RBMS3: variants seen among roughly 807,000 people sequenced by gnomAD.
RBMS3 encodes RNA binding motif single stranded interacting protein 3, also known as RNA-binding motif, single-stranded-interacting protein 3.
Under a neutral mutation model 66.8 loss-of-function variants are expected in RBMS3, and 27 were observed. The ratio of observed to expected loss-of-function variants is 0.40; its 90% CI spans 0.30 to 0.56. RBMS3 has a LOEUF of 0.56. RBMS3 is among the 20% of genes least tolerant of loss of function. The pLI is 0.40. For missense variants in RBMS3, 513 were observed against 549.5 expected, an observed-to-expected ratio of 0.93 and a Z score of 0.66; for synonymous variants, 188 against 183.0, an observed-to-expected ratio of 1.03 and a Z score of -0.22.
chr3:29,693,630 A>G (rs907440515), intron 4 of RBMS3, among the ~76,000 whole-genome samples: 2 of 152,162 alleles, frequency 1.3e-5, no homozygotes, highest in Non-Finnish European at 2.9e-5. Context: ...ATTAACTACT[A>G]TTAGCATATA....
At chr3:29,748,715 T>C (rs2055039797) in intron 5 of RBMS3, among the ~76,000 whole-genome samples, 1 of 152,170 alleles carries the variant, frequency 6.6e-6, no homozygotes, top group Non-Finnish European at 1.5e-5. Flanking sequence ...CTCACATAGC[T>C]CAGCCTGATC....
At chr3:29,360,275 T>C (rs886663496) in intron 1 of RBMS3, among the ~76,000 whole-genome samples, 1 of 152,040 alleles carries the variant, frequency 6.6e-6, no homozygotes, top group African/African-American at 2.4e-5. Flanking sequence ...TCAAAGAATA[T>C]CTTTATTTCT....
intron 10 of RBMS3, among the ~76,000 whole-genome samples, chr3:29,904,773 AT>A (rs1438238553): frequency 6.6e-6 from 1 of 151,802 alleles, no homozygotes; most frequent in Non-Finnish European, 1.5e-5. Flanking sequence ...CTCATATTTT[AT>A]TTTCATTTCT....
chr3:29,885,885 T>C (rs1279096900), intron 8 of RBMS3, among the ~76,000 whole-genome samples: 1 of 151,844 alleles, frequency 6.6e-6, no homozygotes, highest in African/African-American at 2.4e-5. Context: ...ATGCCAAGGA[T>C]TGGGGATGCA....
intron 4 of RBMS3, among the ~76,000 whole-genome samples, chr3:29,681,461 C>A (rs1478102421): frequency 2.0e-5 from 3 of 152,130 alleles, no homozygotes; most frequent in Middle Eastern, 3.4e-3. Flanking sequence ...AAGTATTAAG[C>A]CCAGCATCCA....
At chr3:29,816,297 CACAGACACACACAG>C (rs1175388674) in intron 6 of RBMS3, among the ~76,000 whole-genome samples, 2 of 94,522 alleles carry the variant, frequency 2.1e-5, no homozygotes, top group African/African-American at 7.9e-5. Context: ...CACAGACACA[CACAGACACACACAG>C]ACACACACAC....
At position 29,807,511 on chromosome 3, in the gene RBMS3, A is replaced by T. The variant is rs188441811; in HGVS notation, c.637+44522A>T. On this transcript the variant is annotated intron_variant, in intron 6 of 14. Coordinates refer to ENST00000383767, the MANE Select transcript of RBMS3 (RefSeq NM_001003793.3). ...GAAATAATAGCATGCATACATACAG[A>T]TATTTGTACAAAGATATTCACTGCA... is the stretch of plus-strand genomic sequence containing the variant. 3.9e-5 allele frequency among the ~76,000 whole-genome samples: 6 copies of T among 152,074 alleles called. No individual in the cohort carries two copies. In the East Asian group the frequency reaches 1.2e-3, roughly 29 times the overall value.
Position 29,561,704 on chromosome 3 carries a change from G to A in RBMS3, c.308-25410G>A, listed in dbSNP as rs145952758. 7.4e-4 allele frequency among the ~76,000 whole-genome samples: 113 copies of A among 152,266 alleles called. 1 individual carries two copies. The highest frequency in any genetic ancestry group is 2.7e-3 in the African/African-American group (112 of 41,548). On this transcript the variant is annotated intron_variant, in intron 3 of 14. Coordinates refer to ENST00000383767, the MANE Select transcript of RBMS3 (RefSeq NM_001003793.3). The stretch of plus-strand genomic sequence containing the variant: ...CTGACCTTGTGATCCGCCCGCCTCG[G>A]CCTCCCAAAGTGCTAGGATTACAGG...
Position 29,944,200 on chromosome 3 carries a change from T to C in RBMS3, c.1051-7T>C, listed in dbSNP as rs1234905631. The C allele has an allele frequency of 6.3e-7, 1 of 1,580,908 alleles. No individual in the cohort carries two copies. The highest frequency in any genetic ancestry group is 1.1e-5 in the South Asian group (1 of 90,394). On this transcript the variant is annotated splice_polypyrimidine_tract_variant and splice_region_variant and intron_variant, in intron 11 of 14. Coordinates refer to ENST00000383767, the MANE Select transcript of RBMS3 (RefSeq NM_001003793.3). ...TGCATTCTTTCTCATGCTCTTTTCA[T>C]TCAAAGATTCAATCCCAAGACAGGA...
chr3:29,612,104 G>GC (rs1424275372), intron 4 of RBMS3, among the ~76,000 whole-genome samples: 1 of 151,950 alleles, frequency 6.6e-6, no homozygotes, highest in Non-Finnish European at 1.5e-5. Context: ...TGAGAATCTA[G>GC]CTTAGAAGAG....
intron 3 of RBMS3, among the ~76,000 whole-genome samples, chr3:29,514,222 C>A (rs925629142): frequency 1.2e-4 from 19 of 152,258 alleles, no homozygotes; most frequent in African/African-American, 4.6e-4. Context: ...AGCAATGACA[C>A]AATTCTCCAT....
At chr3:29,319,495 G>A (rs146165395) in intron 1 of RBMS3, among the ~76,000 whole-genome samples, 7 of 152,042 alleles carry the variant, frequency 4.6e-5, no homozygotes, top group East Asian at 1.9e-4. Context: ...CAGAAATGCC[G>A]TAAGGGAGGC....
At chr3:29,979,632 T>C (rs1697844465) in intron 12 of RBMS3, among the ~76,000 whole-genome samples, 2 of 152,158 alleles carry the variant, frequency 1.3e-5, no homozygotes, top group Admixed American at 1.3e-4. Flanking sequence ...TTCCCCTCCC[T>C]GGGCTCATGT....
chr3:29,657,294 C>T (rs569575622), intron 4 of RBMS3, among the ~76,000 whole-genome samples: 2 of 152,308 alleles, frequency 1.3e-5, no homozygotes, highest in South Asian at 4.1e-4. Flanking sequence ...ATTCTGTTTA[C>T]TCTGTTGCAG....
chr3:29,522,783 GA>G (rs1426664937), intron 3 of RBMS3, among the ~76,000 whole-genome samples: 1 of 152,116 alleles, frequency 6.6e-6, no homozygotes, highest in African/African-American at 2.4e-5. Context: ...AAGGAGTCTG[GA>G]AAAGGTAGAT....
At chr3:29,705,386 A>G (rs2052837200) in intron 4 of RBMS3, among the ~76,000 whole-genome samples, 2 of 152,202 alleles carry the variant, frequency 1.3e-5, no homozygotes, top group Admixed American at 1.3e-4. Context: ...TGCTTGTGTA[A>G]TATAAAGAAT....
At chr3:29,930,813 A>G (rs2061101282) in intron 10 of RBMS3, among the ~76,000 whole-genome samples, 1 of 151,916 alleles carries the variant, frequency 6.6e-6, no homozygotes, top group South Asian at 2.1e-4. Context: ...CTTTAAGGGG[A>G]TGGTGGTTGA....
At position 29,481,759 on chromosome 3, in the gene RBMS3, G is replaced by A. The variant is rs148171025; in HGVS notation, c.249-6682G>A. Among the ~76,000 whole-genome samples, 84 of 152,274 alleles carry A rather than the reference G, an allele frequency of 5.5e-4. 2 individuals carry two copies. In the East Asian group the frequency reaches 0.016, roughly 29 times the overall value. On this transcript the variant is annotated intron_variant, in intron 2 of 14. Coordinates refer to ENST00000383767, the MANE Select transcript of RBMS3 (RefSeq NM_001003793.3). Reference sequence around the variant, plus strand: ...ATGTGCTTCCTTGGGGCCTCTAGAAGCATTGAACGGGGACATACTGGCTCT... The same window carrying A: ...ATGTGCTTCCTTGGGGCCTCTAGAAACATTGAACGGGGACATACTGGCTCT...
At chr3:30,002,206 C>T (rs983575580) in intron 14 of RBMS3, among the ~76,000 whole-genome samples, 2 of 152,098 alleles carry the variant, frequency 1.3e-5, no homozygotes, top group South Asian at 2.1e-4. Flanking sequence ...GCTTTTGAGA[C>T]CAGTGAATAT....
Sources: allele counts gnomAD v4.1 joint callset (sites outside exome capture counted in the v4.1 genomes callset), GRCh38; gene constraint gnomAD v4.1.1; transcripts MANE v1.5; gene names NCBI Gene and HGNC (gene_info 2026-07-23, HGNC 2026-07-21).